CRY2: variants seen among roughly 807,000 people sequenced by gnomAD.
The protein encoded by CRY2 is cryptochrome circadian regulator 2.
In CRY2, 31 loss-of-function variants were observed where a neutral mutation model predicts 69.5. The observed-to-expected ratio is 0.45, with a 90% CI of 0.34 to 0.60. The LOEUF (loss-of-function observed/expected upper bound fraction) is 0.60, where lower values mean the gene tolerates loss of function less well. CRY2 is among the 20% of genes least tolerant of loss of function. The pLI is 0.02. For synonymous variants in CRY2, 303 were observed against 312.2 expected (o/e 0.97, Z 0.31); for missense variants, 606 against 797.8 (o/e 0.76, Z 2.90).
At chr11:45,876,002 G>T (rs2086421587) in intron 11 of CRY2, among the ~76,000 whole-genome samples, 1 of 152,204 alleles carries the variant, frequency 6.6e-6, no homozygotes, top group Non-Finnish European at 1.5e-5. Flanking sequence ...ATGGACCACA[G>T]AGCTGTGGCT....
rs888036624 is a variant in CRY2 at position 45,861,046 on chromosome 11, G to A, written c.652+14G>A. The A allele has an allele frequency of 6.4e-5, 103 of 1,602,618 alleles. No homozygotes were observed. Among genetic ancestry groups the A allele is most frequent in the Non-Finnish European group, 8.4e-5 (99 of 1,173,702 alleles). Reference sequence around the variant, plus strand: ...TGGAGGAGCTGGGTGCGTACTTCCTGCCCAGAGCCACTTGTGCTGGTGCCT... The same window carrying A: ...TGGAGGAGCTGGGTGCGTACTTCCTACCCAGAGCCACTTGTGCTGGTGCCT... On this transcript the variant is annotated intron_variant, in intron 4 of 11. Coordinates refer to ENST00000616080, the MANE Select transcript of CRY2 (RefSeq NM_021117.5).
At position 45,860,833 on chromosome 11, in the gene CRY2, C is replaced by T. The variant is rs1272612959; in HGVS notation, c.468-15C>T. Reference sequence around the variant, plus strand: ...GGCCATGTGGGTAACACTAGCTATGCTTTGGGCTCCCCAGGATCATTGAGC... The same window carrying T: ...GGCCATGTGGGTAACACTAGCTATGTTTTGGGCTCCCCAGGATCATTGAGC... On this transcript the variant is annotated splice_polypyrimidine_tract_variant and intron_variant, in intron 3 of 11. Coordinates refer to ENST00000616080, the MANE Select transcript of CRY2 (RefSeq NM_021117.5). 6.2e-7 allele frequency: 1 copy of T among 1,613,020 alleles called. No homozygotes were observed. The highest frequency in any genetic ancestry group is 1.1e-5 in the South Asian group (1 of 91,042).
chr11:45,863,014 C>A (rs888364293), intron 5 of CRY2, among the ~76,000 whole-genome samples: 2 of 152,144 alleles, frequency 1.3e-5, no homozygotes, highest in Non-Finnish European at 2.9e-5. Flanking sequence ...CAGATGATGA[C>A]GATAATAGAA....
chr11:45,868,372 G>A (rs2086348198), intron 6 of CRY2, among the ~76,000 whole-genome samples: 1 of 152,234 alleles, frequency 6.6e-6, no homozygotes, highest in Admixed American at 6.5e-5. Context: ...AAGAGACAAA[G>A]TCTAGCTGTG....
At chr11:45,872,037 G>T in intron 10 of CRY2, 55 bp from the exon 11 acceptor site, 2 of 1,601,198 alleles carry the variant, frequency 1.2e-6, no homozygotes, top group Non-Finnish European at 1.7e-6. Context: ...CATAGTGTGG[G>T]ATCATTTTGG....
At chr11:45,863,580 A>T (rs563159748) in intron 5 of CRY2, among the ~76,000 whole-genome samples, 1 of 151,150 alleles carries the variant, frequency 6.6e-6, no homozygotes, top group South Asian at 2.1e-4. Context: ...CAGTTCTCCA[A>T]ATCTGAAGGG....
rs1354377449 is a variant in CRY2 at position 45,870,481 on chromosome 11, A to G, written c.1498A>G (p.Ile500Val). 4 of 1,614,196 alleles carry G rather than the reference A, an allele frequency of 2.5e-6. No homozygotes were observed. Among genetic ancestry groups the G allele is most frequent in the Non-Finnish European group, 3.4e-6 (4 of 1,180,036 alleles). The change falls in exon 9 of 12, where the codon ATT becomes GTT. Residue 500 changes from isoleucine (I) to valine (V), a missense_variant. Physicochemically the swap from Ile to Val is conservative, Grantham distance 29 (BLOSUM62 3). This residue lies in a region of CRY2 where 173 missense variants were observed against 213.7 expected (regional missense o/e 0.81). Coordinates refer to ENST00000616080, the MANE Select transcript of CRY2 (RefSeq NM_021117.5). ...VNHAETSRLN[I>V]ERMKQIYQQL... ...CCATGCCGAGACCAGCCGGCTTAAC[A>G]TTGAACGAATGAAGCAGATTTACCA... is the stretch of plus-strand genomic sequence containing the variant.
chr11:45,849,265 T>C (rs2086175550), intron 1 of CRY2, among the ~76,000 whole-genome samples: 1 of 152,224 alleles, frequency 6.6e-6, no homozygotes, highest in South Asian at 2.1e-4. Context: ...GTGATCGTGC[T>C]ATCAATCTAG....
intron 1 of CRY2, among the ~76,000 whole-genome samples, chr11:45,849,703 C>G (rs76654788): frequency 0.051 from 7,795 of 151,462 alleles, 649 homozygotes; most frequent in African/African-American, 0.18. Flanking sequence ...TCACTGCAAC[C>G]TCCACCTCCC....
chr11:45,848,585 C>T (rs1318497541), intron 1 of CRY2, among the ~76,000 whole-genome samples: 1 of 152,124 alleles, frequency 6.6e-6, no homozygotes, highest in South Asian at 2.1e-4. Flanking sequence ...TCGACATGAT[C>T]ATGGAAAAAG....
chr11:45,870,986 T>C lies in CRY2; in HGVS notation c.1642+52T>C, dbSNP rs549209535. The C allele has an allele frequency of 1.1e-4, 158 of 1,466,322 alleles. No homozygotes were observed. In the South Asian group the frequency reaches 1.8e-3, roughly 16 times the overall value. 90.8% of individuals were successfully genotyped at this position (1,466,322 alleles called of 1,614,324 possible). Reference sequence around the variant, plus strand: ...GGCCTCCTGTGGCCTGTGCCACCACTTCAGTCATTCAGGACTGAGGCCAGA... The same window carrying C: ...GGCCTCCTGTGGCCTGTGCCACCACCTCAGTCATTCAGGACTGAGGCCAGA... On this transcript the variant is annotated intron_variant, in intron 10 of 11. Transcript: ENST00000616080.
intron 9 of CRY2, 62 bp from the exon 10 acceptor site, chr11:45,870,780 G>T (rs2086373040): frequency 1.4e-6 from 2 of 1,433,784 alleles, no homozygotes; most frequent in Non-Finnish European, 1.9e-6. Flanking sequence ...GCTTCATCCT[G>T]CCCTGTAGCC....
intron 3 of CRY2, among the ~76,000 whole-genome samples, chr11:45,859,204 C>T (rs1444024877): frequency 6.6e-6 from 1 of 152,126 alleles, no homozygotes; most frequent in Non-Finnish European, 1.5e-5. Context: ...CAACAGCTGC[C>T]CTCTGACCTC....
rs577867257 is a variant in CRY2 at position 45,847,511 on chromosome 11, G to C, written c.21G>C (p.Thr7=). Residue 7 remains threonine (T), a synonymous_variant, in exon 1 of 12, where the codon ACG becomes ACC. Transcript: ENST00000616080. ...CAGTCATGGCGGCGACTGTGGCGACGGCGGCAGCTGTGGCCCCGGCGCCAG... is the reference window on the plus strand; with the variant it reads ...CAGTCATGGCGGCGACTGTGGCGACCGCGGCAGCTGTGGCCCCGGCGCCAG... MAATVA[T]AAAVAPAPAP... is the part of the protein sequence containing the mutation. 5 of 1,592,084 alleles carry C rather than the reference G, an allele frequency of 3.1e-6. No homozygotes were observed. Among genetic ancestry groups the C allele is most frequent in the Non-Finnish European group, 4.3e-6 (5 of 1,173,952 alleles).
At chr11:45,850,700 G>A (rs554617308) in intron 1 of CRY2, among the ~76,000 whole-genome samples, 1 of 152,206 alleles carries the variant, frequency 6.6e-6, no homozygotes, top group African/African-American at 2.4e-5. Context: ...AGAGAATTGT[G>A]CTGCAGCATA....
At chr11:45,870,228 T>C (rs1285843108) in intron 8 of CRY2, 24 bp downstream of exon 8, 4 of 1,610,078 alleles carry the variant, frequency 2.5e-6, no homozygotes, top group Non-Finnish European at 2.5e-6. Context: ...CCAGGCTCTC[T>C]GGCCTCTGAC....
chr11:45,876,020 C>A (rs954724288), intron 11 of CRY2, among the ~76,000 whole-genome samples: 3 of 152,138 alleles, frequency 2.0e-5, no homozygotes, highest in Admixed American at 6.5e-5. Flanking sequence ...GCTATGTAGC[C>A]CAAATTGGTA....
At position 45,869,831 on chromosome 11, in the gene CRY2, C is replaced by T; in HGVS notation, c.1194+14C>T. On this transcript the variant is annotated intron_variant, in intron 7 of 11. Coordinates refer to ENST00000616080, the MANE Select transcript of CRY2 (RefSeq NM_021117.5). ...AGCGGGGTCCGGGTGAGTGCTCTCT[C>T]AACGAAAAGCTGGCCTGTACCCTCT... The T allele has an allele frequency of 6.3e-7, 1 of 1,593,218 alleles. No homozygotes were observed. Among genetic ancestry groups the T allele is most frequent in the Non-Finnish European group, 8.6e-7 (1 of 1,167,350 alleles).
intron 3 of CRY2, 61 bp downstream of exon 3, chr11:45,858,934 G>C (rs1359484904): frequency 3.1e-5 from 49 of 1,578,682 alleles, no homozygotes; most frequent in Non-Finnish European, 3.8e-5. Flanking sequence ...TTGGGCCCCT[G>C]CTGAGCGGAA....
Sources: allele counts gnomAD v4.1 joint callset (sites outside exome capture counted in the v4.1 genomes callset), GRCh38; gene constraint gnomAD v4.1.1; regional missense constraint gnomAD v4.1.1; transcripts MANE v1.5; gene names NCBI Gene and HGNC (gene_info 2026-07-23, HGNC 2026-07-21).